PDGFD: variants seen among roughly 807,000 people sequenced by gnomAD.
The protein encoded by PDGFD is platelet derived growth factor D.
A neutral mutation model predicts 44.7 loss-of-function variants in PDGFD; 30 were observed. The ratio of observed to expected loss-of-function variants is 0.67; its 90% CI spans 0.50 to 0.91. PDGFD has a LOEUF of 0.91. Among genes scored for constraint, PDGFD ranks in the 40% least tolerant of loss-of-function variants. PDGFD has a pLI of 0.00. For synonymous variants in PDGFD, 173 were observed against 168.4 expected, an observed-to-expected ratio of 1.03 and a Z score of -0.21; for missense variants, 445 against 457.8, an observed-to-expected ratio of 0.97 and a Z score of 0.25.
intron 1 of PDGFD, among the ~76,000 whole-genome samples, chr11:104,042,533 C>T (rs1208999413): frequency 6.6e-6 from 1 of 152,076 alleles, no homozygotes; most frequent in African/African-American, 2.4e-5. Flanking sequence ...TTTATAAATC[C>T]AGTTTTTCTA....
chr11:103,995,798 A>T (rs1035114408), intron 3 of PDGFD, among the ~76,000 whole-genome samples: 1 of 152,216 alleles, frequency 6.6e-6, no homozygotes, highest in Non-Finnish European at 1.5e-5. Context: ...AAGGCAATTT[A>T]GTATCAGCTT....
At chr11:104,033,716 G>T (rs1396100953) in intron 1 of PDGFD, among the ~76,000 whole-genome samples, 1 of 152,046 alleles carries the variant, frequency 6.6e-6, no homozygotes, top group African/African-American at 2.4e-5. Context: ...ATTGTACAAA[G>T]CTATTTGGGG....
At chr11:104,072,101 T>C (rs1283193131) in intron 1 of PDGFD, among the ~76,000 whole-genome samples, 1 of 151,908 alleles carries the variant, frequency 6.6e-6, no homozygotes, top group Non-Finnish European at 1.5e-5. Context: ...TGAAGTGCAA[T>C]ACCACGTTTA....
chr11:104,015,435 C>T (rs1859846854), intron 1 of PDGFD, among the ~76,000 whole-genome samples: 1 of 151,898 alleles, frequency 6.6e-6, no homozygotes, highest in Non-Finnish European at 1.5e-5. Context: ...ATTTTAGAGG[C>T]AAGAAGAACT....
intron 3 of PDGFD, among the ~76,000 whole-genome samples, chr11:103,984,933 A>C (rs28525330): frequency 2.5e-5 from 3 of 117,686 alleles, no homozygotes; most frequent in African/African-American, 9.7e-5. Flanking sequence ...TATTTATTTA[A>C]TATATAACAT....
At chr11:103,987,930 T>G (rs1345558730) in intron 3 of PDGFD, among the ~76,000 whole-genome samples, 2 of 152,194 alleles carry the variant, frequency 1.3e-5, no homozygotes, top group African/African-American at 4.8e-5. Flanking sequence ...ATTTTATCAC[T>G]GCAATTCTCC....
intron 3 of PDGFD, among the ~76,000 whole-genome samples, chr11:103,970,943 A>G (rs1172710360): frequency 6.6e-6 from 1 of 152,134 alleles, no homozygotes; most frequent in African/African-American, 2.4e-5. Context: ...TTCACACAAG[A>G]GTGGACAAAG....
intron 1 of PDGFD, among the ~76,000 whole-genome samples, chr11:104,144,236 C>T (rs1486099752): frequency 6.6e-6 from 1 of 152,074 alleles, no homozygotes; most frequent in Non-Finnish European, 1.5e-5. Flanking sequence ...GAAACAATTA[C>T]AGCCATTATA....
At chr11:103,997,225 C>T (rs959143765) in intron 2 of PDGFD, among the ~76,000 whole-genome samples, 1 of 152,168 alleles carries the variant, frequency 6.6e-6, no homozygotes, top group African/African-American at 2.4e-5. Flanking sequence ...GCTGAGGTCA[C>T]AGGCAAATGA....
In PDGFD at chr11:103,937,334, A is replaced by G. The variant is rs537862583; in HGVS notation, c.772+6118T>C. Among the ~76,000 whole-genome samples the G allele has an allele frequency of 1.8e-3, 275 of 152,240 alleles. 5 individuals are homozygous for G. The South Asian group carries it at 0.023, about 13-fold the overall frequency. On this transcript the variant is annotated intron_variant, in intron 5 of 6. Coordinates refer to ENST00000393158, the MANE Select transcript of PDGFD (RefSeq NM_025208.5). ...TATGTCCTGGATTTTTCTTTGGTGA[A>G]CACACTATCATTCTAGAAAGTCAAG...
intron 2 of PDGFD, among the ~76,000 whole-genome samples, chr11:103,998,854 A>C (rs188478393): frequency 3.3e-5 from 5 of 152,068 alleles, no homozygotes; most frequent in Non-Finnish European, 7.4e-5. Context: ...GTGGGAAAAA[A>C]CCCTCACCTC....
intron 3 of PDGFD, among the ~76,000 whole-genome samples, chr11:103,980,600 A>G (rs1859255881): frequency 1.3e-5 from 2 of 151,938 alleles, no homozygotes; most frequent in African/African-American, 2.4e-5. Context: ...GGGATTCTCT[A>G]GTGTTTTTCT....
chr11:103,956,193 C>T (rs2134332827), intron 3 of PDGFD, among the ~76,000 whole-genome samples: 1 of 151,334 alleles, frequency 6.6e-6, no homozygotes, highest in East Asian at 1.9e-4. Flanking sequence ...GGTATATCTC[C>T]TAATGCTATC....
intron 1 of PDGFD, among the ~76,000 whole-genome samples, chr11:104,094,956 C>A (rs1025718982): frequency 3.0e-4 from 45 of 152,098 alleles, no homozygotes; most frequent in African/African-American, 1.1e-3. Flanking sequence ...ACCCTGCTTC[C>A]AGTTCACGAC....
intron 3 of PDGFD, among the ~76,000 whole-genome samples, chr11:103,984,861 AATTTATCTAATATAGTTAT>A (rs1307696838): frequency 1.0e-4 from 14 of 140,490 alleles, no homozygotes; most frequent in African/African-American, 3.5e-4. Flanking sequence ...ATAATACATT[AATTTATCTAATATAGTTAT>A]ATTTATTTAC....
chr11:104,000,994 A>T (rs1859611363), intron 1 of PDGFD, among the ~76,000 whole-genome samples: 1 of 152,138 alleles, frequency 6.6e-6, no homozygotes, highest in African/African-American at 2.4e-5. Flanking sequence ...CCACGTCTGA[A>T]TTTATGCTAA....
At chr11:103,954,212 A>C (rs893828093) in intron 3 of PDGFD, among the ~76,000 whole-genome samples, 1 of 152,228 alleles carries the variant, frequency 6.6e-6, no homozygotes, top group African/African-American at 2.4e-5. Context: ...GACAGTTGAT[A>C]TATTACAAGC....
At chr11:104,139,511 A>G (rs972108397) in intron 1 of PDGFD, among the ~76,000 whole-genome samples, 2 of 152,200 alleles carry the variant, frequency 1.3e-5, no homozygotes, top group African/African-American at 4.8e-5. Context: ...TGGGACAACA[A>G]TCCGATCACA....
At chr11:104,083,088 A>G (rs1861070357) in intron 1 of PDGFD, among the ~76,000 whole-genome samples, 2 of 152,212 alleles carry the variant, frequency 1.3e-5, no homozygotes, top group African/African-American at 4.8e-5. Flanking sequence ...AACCACACAC[A>G]TAATGCATTG....
Sources: gnomAD v4.1 joint callset for allele counts (sites outside exome capture counted in the v4.1 genomes callset) on GRCh38, gnomAD v4.1.1 for gene constraint, MANE v1.5 for transcripts, NCBI Gene and HGNC (gene_info 2026-07-23, HGNC 2026-07-21) for gene names.